Variants in RORA observed in about 807,000 individuals in gnomAD.
RORA encodes the protein nuclear receptor ROR-alpha.
In RORA, 7 loss-of-function variants were observed where a neutral mutation model predicts 69.5. The ratio of observed to expected loss-of-function variants is 0.10; its 90% CI spans 0.06 to 0.19. RORA has a LOEUF of 0.19. Ranked by LOEUF, RORA falls within the 10% of genes least tolerant of loss-of-function variation. The pLI, the probability that RORA is intolerant of heterozygous loss-of-function variation, is 1.00. For missense variants in RORA, 457 were observed against 663.0 expected (o/e 0.69, Z 3.41); for synonymous variants, 261 against 240.8 (o/e 1.08, Z -0.78).
intron 2 of RORA, among the ~76,000 whole-genome samples, chr15:60,547,072 T>G (rs2067093508): frequency 6.6e-6 from 1 of 152,160 alleles, no homozygotes; most frequent in Admixed American, 6.5e-5. Context: ...TATGTTGTGG[T>G]GGATGATAGC....
At chr15:61,040,459 T>G (rs1566958732) in intron 1 of RORA, among the ~76,000 whole-genome samples, 1 of 151,996 alleles carries the variant, frequency 6.6e-6, no homozygotes, top group Non-Finnish European at 1.5e-5. Flanking sequence ...GATATAAAGC[T>G]TTTTGCCTGT....
chr15:60,512,680 T>C (rs1024049898), intron 4 of RORA, among the ~76,000 whole-genome samples: 2 of 152,224 alleles, frequency 1.3e-5, no homozygotes, highest in Non-Finnish European at 2.9e-5. Flanking sequence ...GGTATTATAA[T>C]ATAAGATCCT....
chr15:60,974,826 G>A (rs1566930140), intron 1 of RORA, among the ~76,000 whole-genome samples: 1 of 152,200 alleles, frequency 6.6e-6, no homozygotes, highest in Non-Finnish European at 1.5e-5. Flanking sequence ...TGAAGGAGGG[G>A]CCCTCACAGC....
chr15:61,084,215 C>T (rs562241753), intron 1 of RORA, among the ~76,000 whole-genome samples: 24 of 152,200 alleles, frequency 1.6e-4, no homozygotes, highest in Non-Finnish European at 3.4e-4. Flanking sequence ...TGAGAGTGCT[C>T]TCATCTGTTT....
chr15:60,622,521 A>G (rs996554011), intron 2 of RORA, among the ~76,000 whole-genome samples: 11 of 152,032 alleles, frequency 7.2e-5, no homozygotes, highest in Admixed American at 7.2e-4. Context: ...CTGAGATAGG[A>G]GAACCACCTG....
chr15:61,005,808 A>G (rs1425873672), intron 1 of RORA, among the ~76,000 whole-genome samples: 1 of 152,128 alleles, frequency 6.6e-6, no homozygotes, highest in Non-Finnish European at 1.5e-5. Flanking sequence ...TAAACTATAT[A>G]AACTTCCTCT....
chr15:61,028,136 G>A (rs1357825810), intron 1 of RORA, among the ~76,000 whole-genome samples: 1 of 152,106 alleles, frequency 6.6e-6, no homozygotes, highest in Non-Finnish European at 1.5e-5. Context: ...CTCTGCTTCT[G>A]GCTCACAATG....
intron 1 of RORA, among the ~76,000 whole-genome samples, chr15:60,716,921 T>C (rs1317917029): frequency 6.6e-6 from 1 of 152,206 alleles, no homozygotes; most frequent in East Asian, 1.9e-4. Context: ...ATATCCTCTA[T>C]AATAAACTGG....
At chr15:61,102,241 G>A (rs1276672934) in intron 1 of RORA, among the ~76,000 whole-genome samples, 2 of 152,150 alleles carry the variant, frequency 1.3e-5, no homozygotes, top group Admixed American at 6.5e-5. Flanking sequence ...GTCTCCATAT[G>A]AGAAGCCCCC....
chr15:60,709,589 C>A (rs2071114959), intron 1 of RORA, among the ~76,000 whole-genome samples: 1 of 151,724 alleles, frequency 6.6e-6, no homozygotes, highest in South Asian at 2.1e-4. Flanking sequence ...AAGCATGAAC[C>A]CTGTTGTGAA....
chr15:60,586,169 G>T (rs1338237019), intron 2 of RORA, among the ~76,000 whole-genome samples: 1 of 152,172 alleles, frequency 6.6e-6, no homozygotes, highest in African/African-American at 2.4e-5. Flanking sequence ...AAGACTGGTG[G>T]TGAGAGGTGC....
intron 2 of RORA, among the ~76,000 whole-genome samples, chr15:60,610,957 C>G (rs1234553207): frequency 2.0e-5 from 3 of 152,082 alleles, no homozygotes; most frequent in African/African-American, 4.8e-5. Context: ...TTGGTTTGTG[C>G]AAGGTAGAAA....
chr15:60,823,632 T>A (rs774420867), intron 1 of RORA, among the ~76,000 whole-genome samples: 2 of 152,230 alleles, frequency 1.3e-5, no homozygotes, highest in Non-Finnish European at 2.9e-5. Flanking sequence ...TTCATTGCTG[T>A]AGCCTTATAG....
intron 1 of RORA, among the ~76,000 whole-genome samples, chr15:60,998,429 G>T (rs2140377675): frequency 6.6e-6 from 1 of 151,348 alleles, no homozygotes; most frequent in East Asian, 1.9e-4. Context: ...ACAGAGTCTG[G>T]CTCCTTTGCC....
intron 2 of RORA, among the ~76,000 whole-genome samples, chr15:60,542,063 G>T (rs1446909869): frequency 6.6e-6 from 1 of 152,214 alleles, no homozygotes; most frequent in Non-Finnish European, 1.5e-5. Flanking sequence ...GAGTGAGTGA[G>T]TGTGACATTA....
chr15:60,662,265 C>T (rs1415055220), intron 2 of RORA, among the ~76,000 whole-genome samples: 2 of 152,162 alleles, frequency 1.3e-5, no homozygotes, highest in African/African-American at 4.8e-5. Flanking sequence ...TAGTTGCTAA[C>T]AGGCAAAATG....
chr15:60,591,285 C>G (rs2084010274), intron 2 of RORA, among the ~76,000 whole-genome samples: 1 of 151,988 alleles, frequency 6.6e-6, no homozygotes, highest in Admixed American at 6.5e-5. Context: ...AACCTGCGGG[C>G]GCACAAGCGG....
Position 60,861,522 on chromosome 15 carries a change from A to G in RORA, c.167-182836T>C, listed in dbSNP as rs1324400013. On this transcript the variant is annotated intron_variant, in intron 1 of 10. Coordinates refer to ENST00000335670, the MANE Select transcript of RORA (RefSeq NM_134261.3). ...AGTCACTCTCCACCTTTTTATAGAT[A>G]GATTGACTGATTGATTGAGATGAGT... 2.6e-5 allele frequency among the ~76,000 whole-genome samples: 4 copies of G among 152,112 alleles called. 1 individual carries two copies. The highest frequency in any genetic ancestry group is 4.1e-4 in the South Asian group (2 of 4,820).
chr15:61,157,759 G>A (rs993415322), intron 1 of RORA, among the ~76,000 whole-genome samples: 5 of 152,260 alleles, frequency 3.3e-5, no homozygotes, highest in Admixed American at 2.0e-4. Context: ...CCCTAGTTTC[G>A]TGACTGCCAC....
Sources: allele counts gnomAD v4.1 joint callset (sites outside exome capture counted in the v4.1 genomes callset), GRCh38; gene constraint gnomAD v4.1.1; transcripts MANE v1.5; gene names NCBI Gene and HGNC (gene_info 2026-07-23, HGNC 2026-07-21).